PRKCA: variants seen among roughly 807,000 people sequenced by gnomAD.
PRKCA encodes the protein protein kinase C alpha.
In PRKCA, 27 loss-of-function variants were observed where a neutral mutation model predicts 87.0. The observed-to-expected ratio is 0.31, with a 90% CI of 0.23 to 0.43. The LOEUF is 0.43. Among genes scored for constraint, PRKCA ranks in the 20% least tolerant of loss-of-function variants. PRKCA has a pLI of 1.00. For synonymous variants in PRKCA, 329 were observed against 311.1 expected (o/e 1.06, Z -0.61); for missense variants, 518 against 852.3 (o/e 0.61, Z 4.88).
At chr17:66,420,504 C>CA (rs1278308178) in intron 2 of PRKCA, among the ~76,000 whole-genome samples, 1 of 152,058 alleles carries the variant, frequency 6.6e-6, no homozygotes, top group Non-Finnish European at 1.5e-5. Flanking sequence ...TTTCATTTTT[C>CA]AGCACAGCAT....
chr17:66,409,658 G>A (rs996812044), intron 2 of PRKCA, among the ~76,000 whole-genome samples: 9 of 152,150 alleles, frequency 5.9e-5, no homozygotes, highest in African/African-American at 9.7e-5. Context: ...GGCTGGGCGC[G>A]GTGGCTCACG....
intron 16 of PRKCA, among the ~76,000 whole-genome samples, chr17:66,798,483 TGGTGAC>T (rs1452014530): frequency 4.4e-5 from 4 of 91,670 alleles, no homozygotes; most frequent in Admixed American, 2.2e-4. Context: ...GTGGTGGTGG[TGGTGAC>T]GGTGGTGGTG....
chr17:66,391,303 C>A (rs566248511), intron 2 of PRKCA, among the ~76,000 whole-genome samples: 1 of 152,344 alleles, frequency 6.6e-6, no homozygotes, highest in East Asian at 1.9e-4. Context: ...CAAATATTTA[C>A]TGGTTGTGAT....
At chr17:66,571,745 C>T (rs980026158) in intron 3 of PRKCA, among the ~76,000 whole-genome samples, 5 of 152,158 alleles carry the variant, frequency 3.3e-5, no homozygotes, top group Non-Finnish European at 5.9e-5. Flanking sequence ...AAACCTTCCA[C>T]GGAACCTGAG....
intron 16 of PRKCA, among the ~76,000 whole-genome samples, chr17:66,801,235 T>A (rs1209700693): frequency 6.6e-6 from 1 of 152,158 alleles, no homozygotes; most frequent in Non-Finnish European, 1.5e-5. Flanking sequence ...TATCCCTGAG[T>A]TTCTCAGCAG....
At chr17:66,648,872 C>T (rs571658757) in intron 5 of PRKCA, among the ~76,000 whole-genome samples, 2 of 151,938 alleles carry the variant, frequency 1.3e-5, no homozygotes, top group Non-Finnish European at 2.9e-5. Flanking sequence ...GCGGGTGGAT[C>T]GCTTGAGGTC....
intron 8 of PRKCA, among the ~76,000 whole-genome samples, chr17:66,723,357 G>A (rs760491574): frequency 2.6e-4 from 40 of 152,150 alleles, no homozygotes; most frequent in African/African-American, 7.2e-4. Flanking sequence ...TGTTGGGTGC[G>A]GTGGCTTCTG....
intron 2 of PRKCA, among the ~76,000 whole-genome samples, chr17:66,387,102 G>T (rs1318677633): frequency 6.6e-6 from 1 of 152,344 alleles, no homozygotes; most frequent in East Asian, 1.9e-4. Context: ...CCTGCTTAAT[G>T]AACAGTGTTG....
intron 3 of PRKCA, among the ~76,000 whole-genome samples, chr17:66,506,022 G>A (rs547742270): frequency 1.6e-4 from 24 of 152,234 alleles, no homozygotes; most frequent in African/African-American, 4.3e-4. Flanking sequence ...GAGGCCAGGC[G>A]CTGTGGCTCA....
At chr17:66,386,955 T>C (rs571582965) in intron 2 of PRKCA, among the ~76,000 whole-genome samples, 1 of 152,264 alleles carries the variant, frequency 6.6e-6, no homozygotes, top group African/African-American at 2.4e-5. Context: ...GAAGAATTGG[T>C]GAAAATGTAA....
intron 13 of PRKCA, among the ~76,000 whole-genome samples, chr17:66,755,648 C>G (rs1974531054): frequency 6.6e-6 from 1 of 152,194 alleles, no homozygotes. Flanking sequence ...AGGCACCTTG[C>G]AAGCCAGTAT....
chr17:66,344,179 G>A (rs766801284), intron 2 of PRKCA, among the ~76,000 whole-genome samples: 9 of 152,008 alleles, frequency 5.9e-5, no homozygotes, highest in Non-Finnish European at 8.8e-5. Flanking sequence ...TTTCCTATTC[G>A]GCATTTTAGA....
At chr17:66,438,690 G>A (rs1913547545) in intron 2 of PRKCA, among the ~76,000 whole-genome samples, 1 of 152,232 alleles carries the variant, frequency 6.6e-6, no homozygotes, top group Non-Finnish European at 1.5e-5. Context: ...TGGCTGGGGA[G>A]GCCTCAGGAA....
At chr17:66,562,093 ATATATAATTAAATT>A (rs1343426933) in intron 3 of PRKCA, among the ~76,000 whole-genome samples, 10 of 112,294 alleles carry the variant, frequency 8.9e-5, no homozygotes, top group Admixed American at 2.7e-4. Flanking sequence ...ATAATTAAAT[ATATATAATTAAATT>A]ATATATATAA....
At chr17:66,490,983 C>G (rs1916220222) in intron 2 of PRKCA, among the ~76,000 whole-genome samples, 1 of 152,198 alleles carries the variant, frequency 6.6e-6, no homozygotes, top group Non-Finnish European at 1.5e-5. Flanking sequence ...ATCTAGTTTA[C>G]TTCCATAAGC....
At chr17:66,523,739 G>A (rs148029947) in intron 3 of PRKCA, among the ~76,000 whole-genome samples, 6 of 152,280 alleles carry the variant, frequency 3.9e-5, no homozygotes, top group Admixed American at 2.0e-4. Context: ...TCAGATTGCC[G>A]GAAGATGCTG....
At chr17:66,687,311 G>C (rs2144031394) in intron 6 of PRKCA, 44 bp downstream of exon 6, 1 of 1,562,464 alleles carries the variant, frequency 6.4e-7, no homozygotes. Context: ...TATACACCAT[G>C]CAGTTGCCCA....
At chr17:66,608,185 C>A (rs79950394) in intron 3 of PRKCA, among the ~76,000 whole-genome samples, 1 of 151,976 alleles carries the variant, frequency 6.6e-6, no homozygotes, top group Non-Finnish European at 1.5e-5. Flanking sequence ...TGGAGCACAC[C>A]GATTGGAGCA....
chr17:66,431,447 G>T (rs752662690), intron 2 of PRKCA, among the ~76,000 whole-genome samples: 41 of 152,142 alleles, frequency 2.7e-4, no homozygotes, highest in Non-Finnish European at 4.4e-4. Flanking sequence ...TTCAGGAAAG[G>T]TGGCCTCATG....
Sources: allele counts gnomAD v4.1 joint callset (sites outside exome capture counted in the v4.1 genomes callset), GRCh38; gene constraint gnomAD v4.1.1; transcripts MANE v1.5; gene names NCBI Gene and HGNC (gene_info 2026-07-23, HGNC 2026-07-21).